The following UMOD variants were observed in gnomAD, a reference collection of about 807,000 sequenced individuals.
The protein encoded by UMOD is Tamm-Horsfall urinary glycoprotein.
UMOD carries 64 observed loss-of-function variants against 66.0 expected under a neutral mutation model. The observed-to-expected ratio is 0.97, with a 90% CI of 0.79 to 1.19. UMOD has a LOEUF of 1.19. UMOD is among the 50% of genes most tolerant of loss of function. The pLI is 0.00. For synonymous variants in UMOD, 398 were observed against 352.7 expected (o/e 1.13, Z -1.44); for missense variants, 764 against 850.9 (o/e 0.90, Z 1.27).
At chr16:20,339,093 A>C (rs1353785400) in intron 7 of UMOD, among the ~76,000 whole-genome samples, 3 of 152,268 alleles carry the variant, frequency 2.0e-5, no homozygotes, top group Admixed American at 6.5e-5. Context: ...AAATCCCAGC[A>C]TAGCAGGTAT....
In UMOD at chr16:20,348,360, C is replaced by A. The variant is rs149074866; in HGVS notation, c.866-30G>T. 790 of 1,614,182 alleles carry A rather than the reference C, an allele frequency of 4.9e-4. 5 individuals are homozygous for A. The East Asian group carries it at 0.015, about 31-fold the overall frequency. ...AGGGTCACAGGGACAGACAGACAAT[C>A]AATAAGGACGCACCCCCGTCCTCTG... On this transcript the variant is annotated intron_variant, in intron 3 of 10. Transcript: ENST00000396138.
upstream of UMOD, chr16:20,352,716 G>C (rs188887539): frequency 2.4e-6 from 3 of 1,231,622 alleles, no homozygotes; most frequent in Admixed American, 1.3e-4. Context: ...GAGTTAGTCT[G>C]GTCATGATGT....
At chr16:20,349,518 G>A (rs184360172) in intron 2 of UMOD, among the ~76,000 whole-genome samples, 1 of 152,176 alleles carries the variant, frequency 6.6e-6, no homozygotes, top group Admixed American at 6.5e-5. Context: ...CCAATTCCTG[G>A]GTTCAAGCGT....
intron 2 of UMOD, chr16:20,349,641 A>G: frequency 7.0e-7 from 1 of 1,437,322 alleles, no homozygotes; most frequent in Non-Finnish European, 9.1e-7. Context: ...TGTGTTAAGC[A>G]TTGCTTTCAA....
upstream of UMOD, among the ~76,000 whole-genome samples, chr16:20,355,775 C>T (rs1966022109): frequency 6.6e-6 from 1 of 152,206 alleles, no homozygotes; most frequent in Non-Finnish European, 1.5e-5. Context: ...CAATCACCCA[C>T]TGAGCACTTC....
intron 2 of UMOD, among the ~76,000 whole-genome samples, chr16:20,349,448 G>A (rs188132479): frequency 6.6e-6 from 1 of 152,120 alleles, no homozygotes; most frequent in Admixed American, 6.5e-5. Flanking sequence ...TTTTGGAGAG[G>A]GGTCTTGCTC....
In UMOD at chr16:20,348,833, C is replaced by A. The variant is rs1010904841; in HGVS notation, c.468G>T (p.Gly156=). Residue 156 remains glycine, a synonymous_variant, in exon 3 of 11, where the codon GGG becomes GGT. Coordinates refer to ENST00000396138, the MANE Select transcript of UMOD (RefSeq NM_003361.4). ...WHCECSPGSC[G]PGLDCVPEGD... ...CCTCGGGCACGCAGTCCAACCCCGG[C>A]CCGCAGGAGCCCGGGGAGCACTCAC... is the stretch of plus-strand genomic sequence containing the variant. The A allele has an allele frequency of 1.9e-6, 3 of 1,546,828 alleles. No homozygotes were observed. The highest frequency in any genetic ancestry group is 2.7e-5 in the African/African-American group (2 of 73,076).
intron 5 of UMOD, among the ~76,000 whole-genome samples, chr16:20,345,400 T>TTTTC (rs797021829): frequency 0.02 from 1,530 of 77,934 alleles, 43 homozygotes; most frequent in African/African-American, 0.056. Flanking sequence ...TTTTCTTTTT[T>TTTTC]TTTCTTTCTT....
At chr16:20,339,500 T>C (rs1965067205) in intron 7 of UMOD, among the ~76,000 whole-genome samples, 1 of 152,246 alleles carries the variant, frequency 6.6e-6, no homozygotes, top group Admixed American at 6.5e-5. Flanking sequence ...TGAGTTAGAC[T>C]CTGCTAATTG....
At chr16:20,337,948 A>C (rs1401380857) in intron 7 of UMOD, among the ~76,000 whole-genome samples, 2 of 152,054 alleles carry the variant, frequency 1.3e-5, no homozygotes, top group Non-Finnish European at 2.9e-5. Context: ...TTAGAAGGAG[A>C]AACCCGAAAT....
At chr16:20,341,930 A>T (rs1451861584) in intron 6 of UMOD, among the ~76,000 whole-genome samples, 1 of 152,262 alleles carries the variant, frequency 6.6e-6, no homozygotes, top group African/African-American at 2.4e-5. Flanking sequence ...CCAACAAAGG[A>T]CATTGTAAGG....
At chr16:20,342,973 T>C (rs1965318897) in intron 6 of UMOD, among the ~76,000 whole-genome samples, 1 of 151,946 alleles carries the variant, frequency 6.6e-6, no homozygotes, top group Non-Finnish European at 1.5e-5. Context: ...CTACTAAAAA[T>C]ACAAAACTTA....
intron 10 of UMOD, among the ~76,000 whole-genome samples, chr16:20,334,832 C>A (rs945663066): frequency 7.5e-6 from 1 of 133,494 alleles, no homozygotes; most frequent in South Asian, 2.7e-4. Flanking sequence ...ATATTTGTCA[C>A]CTATTTTTTT....
Position 20,349,598 on chromosome 16 carries a change from G to A in UMOD, c.89-386C>T, listed in dbSNP as rs1471363890. The A allele has an allele frequency of 5.9e-6, 8 of 1,362,226 alleles. No homozygotes were observed. In the East Asian group the frequency reaches 1.3e-4, roughly 22 times the overall value. 84.4% of individuals were successfully genotyped at this position (1,362,226 alleles called of 1,614,324 possible). A position where few individuals can be genotyped will look rare whatever the true frequency, so the allele number is the denominator to read the frequency against. On this transcript the variant is annotated intron_variant, in intron 2 of 10. Coordinates refer to ENST00000396138, the MANE Select transcript of UMOD (RefSeq NM_003361.4). ...CCCAAAAAGTTGGGACCACAGGCACGTGCAATCGCGCCCAGCTCCACCATT... is the reference window on the plus strand; with the variant it reads ...CCCAAAAAGTTGGGACCACAGGCACATGCAATCGCGCCCAGCTCCACCATT...
intron 10 of UMOD, among the ~76,000 whole-genome samples, chr16:20,334,146 C>G (rs1319446126): frequency 6.6e-6 from 1 of 151,812 alleles, no homozygotes; most frequent in Non-Finnish European, 1.5e-5. Flanking sequence ...AATTCAGTGC[C>G]ATGAAAACCA....
upstream of UMOD, among the ~76,000 whole-genome samples, chr16:20,353,146 C>A (rs938633187): frequency 2.0e-5 from 3 of 152,138 alleles, no homozygotes; most frequent in Admixed American, 6.5e-5. Context: ...ATGGGAGGTG[C>A]ACCTGTCTTG....
Position 20,344,185 on chromosome 16 carries a change from ATGGGGGTGGAGGGGGGG to A in UMOD, c.1183-30_1183-14del. 2 of 639,566 alleles carry A rather than the reference ATGGGGGTGGAGGGGGGG, an allele frequency of 3.1e-6. No individual in the cohort carries two copies. Among genetic ancestry groups the A allele is most frequent in the Non-Finnish European group, 2.8e-6 (1 of 354,302 alleles). 39.6% of individuals were successfully genotyped at this position (639,566 alleles called of 1,614,324 possible). A position where few individuals can be genotyped will look rare whatever the true frequency, so the allele number is the denominator to read the frequency against. On this transcript the variant is annotated splice_polypyrimidine_tract_variant and intron_variant, in intron 5 of 10. Transcript: ENST00000396138. ...GGGTTTCATTCCTCTGTTGCAGGGA[ATGGGGGTGGAGGGGGGG>A]TGGGGATGAGAGAAAGGGGCATGAG...
chr16:20,355,575 C>T (rs939707830), upstream of UMOD, among the ~76,000 whole-genome samples: 1 of 147,826 alleles, frequency 6.8e-6, no homozygotes, highest in African/African-American at 2.6e-5. Context: ...CCACCATGCC[C>T]GGCTAATTTG....
At position 20,346,233 on chromosome 16, in the gene UMOD, T is replaced by G. The variant is rs1206328960; in HGVS notation, c.1075A>C (p.Met359Leu). 1.9e-6 allele frequency: 3 copies of G among 1,614,252 alleles called. No individual in the cohort carries two copies. Among genetic ancestry groups the G allele is most frequent in the Non-Finnish European group, 2.5e-6 (3 of 1,180,042 alleles). ...LKSLGFDKVFMYLSDSRCSGF... is the reference protein window; with the variant it reads ...LKSLGFDKVFLYLSDSRCSGF... ...GAGCACCGGCTGTCACTCAGGTACA[T>G]GAAGACCTTGTCGAAGCCCAGACTC... The change falls in exon 5 of 11, where the codon ATG becomes CTG. Residue 359 changes from methionine to leucine, a missense_variant. Transcript: ENST00000396138.
Sources: allele counts gnomAD v4.1 joint callset (sites outside exome capture counted in the v4.1 genomes callset), GRCh38; gene constraint gnomAD v4.1.1; transcripts MANE v1.5; gene names NCBI Gene and HGNC (gene_info 2026-07-23, HGNC 2026-07-21).